Variants in PAPPA observed in about 807,000 individuals in gnomAD.
PAPPA encodes pappalysin 1.
PAPPA carries 60 observed loss-of-function variants against 164.0 expected under a neutral mutation model. The observed-to-expected ratio is 0.37, with a 90% CI of 0.30 to 0.45. The LOEUF (loss-of-function observed/expected upper bound fraction) is 0.45. PAPPA is among the 20% of genes least tolerant of loss of function. The probability of loss-of-function intolerance (pLI) is 1.00; values close to 1 mark genes in which losing one functional copy is unlikely to be tolerated. For missense variants in PAPPA, 1,782 were observed against 2,087.3 expected, an observed-to-expected ratio of 0.85 and a Z score of 2.85; for synonymous variants, 875 against 814.1, an observed-to-expected ratio of 1.07 and a Z score of -1.27.
intron 21 of PAPPA, among the ~76,000 whole-genome samples, chr9:116,388,832 G>T (rs1180589755): frequency 6.6e-6 from 1 of 152,178 alleles, no homozygotes; most frequent in Non-Finnish European, 1.5e-5. Flanking sequence ...ATGCAACTAT[G>T]TGTAGGGCTG....
intron 1 of PAPPA, among the ~76,000 whole-genome samples, chr9:116,168,829 A>G (rs1191573225): frequency 6.6e-6 from 1 of 152,174 alleles, no homozygotes; most frequent in Non-Finnish European, 1.5e-5. Context: ...CATAGCATTT[A>G]TCACACTCTA....
intron 1 of PAPPA, among the ~76,000 whole-genome samples, chr9:116,164,671 A>AT (rs1843701505): frequency 6.6e-6 from 1 of 152,218 alleles, no homozygotes; most frequent in East Asian, 1.9e-4. Context: ...TCCCGTATCC[A>AT]TTCCTGTTGC....
In PAPPA at chr9:116,187,247, A is replaced by G; in HGVS notation, c.509A>G (p.Tyr170Cys). 6.2e-7 allele frequency: 1 copy of G among 1,614,158 alleles called. No individual in the cohort carries two copies. Among genetic ancestry groups the G allele is most frequent in the Non-Finnish European group, 8.5e-7 (1 of 1,180,028 alleles). ...GACCAAGACAACAAAGACCCACGCTACTTTTTCTCCTTGAAGACAGACCGA... is the reference window on the plus strand; with the variant it reads ...GACCAAGACAACAAAGACCCACGCTGCTTTTTCTCCTTGAAGACAGACCGA... ...ISDQDNKDPRYFFSLKTDRAR... is the reference protein window; with the variant it reads ...ISDQDNKDPRCFFSLKTDRAR... The change falls in exon 2 of 22, where the codon TAC becomes TGC. Residue 170 changes from tyrosine (Y) to cysteine (C), a missense_variant. Around this residue, in one of 2 missense-constraint regions of PAPPA, gnomAD observed 458 missense variants for 430.3 expected, o/e 1.06. Coordinates refer to ENST00000328252, the MANE Select transcript of PAPPA (RefSeq NM_002581.5). This position sits in a 1 kb window ranked among gnomAD's most constrained non-coding sequence, Gnocchi z 4.2.
At chr9:116,161,935 G>T (rs1010418913) in intron 1 of PAPPA, among the ~76,000 whole-genome samples, 1 of 152,108 alleles carries the variant, frequency 6.6e-6, no homozygotes, top group African/African-American at 2.4e-5. Context: ...TGACCTGAAA[G>T]GTTTGCAAAT....
At chr9:116,164,814 G>A (rs547835683) in intron 1 of PAPPA, among the ~76,000 whole-genome samples, 7 of 152,288 alleles carry the variant, frequency 4.6e-5, no homozygotes, top group African/African-American at 1.7e-4. Flanking sequence ...TGTGTTAATA[G>A]GCTAATCTTA....
intron 9 of PAPPA, among the ~76,000 whole-genome samples, chr9:116,289,325 G>GCATATATATGCCATATATATGC (rs1554748540): frequency 0.01 from 727 of 70,352 alleles, 76 homozygotes; most frequent in South Asian, 0.033. Flanking sequence ...CATATATATG[G>GCATATATATGCCATATATATGC]CATATATATA....
chr9:116,188,322 G>T (rs555589905), intron 2 of PAPPA, 106 bp downstream of exon 2: 16 of 790,388 alleles, frequency 2.0e-5, no homozygotes, highest in African/African-American at 5.2e-5. Flanking sequence ...GGATTTTCTG[G>T]TTCAACCAGC....
Position 116,362,679 on chromosome 9 carries a change from T to G in PAPPA, c.4435T>G (p.Ser1479Ala), listed in dbSNP as rs199632180. Residue 1479 changes from serine (S) to alanine (A), a missense_variant, in exon 18 of 22, where the codon TCG becomes GCG. By Grantham distance (99) the Ser-to-Ala change is moderately conservative. This residue lies in a region of PAPPA where 1,324 missense variants were observed against 1,656.9 expected (regional missense o/e 0.80). Transcript: ENST00000328252. ...CTGCCAGGAGATGCAAGGCCAGTGC[T>G]CGGTTCCAAACGAGCTCAACAGCAA... Reference protein sequence around the residue: ...HVCQEMQGQCSVPNELNSNLK... With the variant: ...HVCQEMQGQCAVPNELNSNLK... 8.7e-6 allele frequency: 14 copies of G among 1,613,942 alleles called. No individual in the cohort carries two copies. The highest frequency in any genetic ancestry group is 1.2e-5 in the Non-Finnish European group (14 of 1,179,996).
chr9:116,288,445 C>CCCTTCCTT (rs1301742206), intron 9 of PAPPA, among the ~76,000 whole-genome samples: 1 of 104,842 alleles, frequency 9.5e-6, no homozygotes, highest in African/African-American at 3.6e-5. Context: ...CTCCCTCCCT[C>CCCTTCCTT]CCTTCCTTCC....
chr9:116,259,220 A>T (rs1334539728), intron 7 of PAPPA, among the ~76,000 whole-genome samples: 1 of 151,832 alleles, frequency 6.6e-6, no homozygotes, highest in Non-Finnish European at 1.5e-5. Flanking sequence ...ACAAAACCTT[A>T]AAATTATTGA....
intron 13 of PAPPA, among the ~76,000 whole-genome samples, chr9:116,341,222 C>T (rs1489649044): frequency 6.6e-6 from 1 of 151,698 alleles, no homozygotes; most frequent in African/African-American, 2.4e-5. Flanking sequence ...TTTATTTTTA[C>T]TAGAGACAGG....
rs147382742 is a variant in PAPPA at position 116,252,026 on chromosome 9, A to C, written c.2733-13831A>C. ...CACCAAGAAAGTAGAAAATCATTTC[A>C]ATTGGTGGTAAAAGATGATTAAAAC... On this transcript the variant is annotated intron_variant, in intron 7 of 21. Transcript: ENST00000328252. Among the ~76,000 whole-genome samples the C allele has an allele frequency of 3.5e-3, 533 of 152,310 alleles. 1 individual carries two copies. Among genetic ancestry groups the C allele is most frequent in the African/African-American group, 0.012 (508 of 41,570 alleles).
chr9:116,255,615 A>G (rs1844918296), intron 7 of PAPPA, among the ~76,000 whole-genome samples: 1 of 152,000 alleles, frequency 6.6e-6, no homozygotes, highest in Admixed American at 6.5e-5. Context: ...AGTTTGGATA[A>G]GGGAGAGCCA....
In PAPPA at chr9:116,204,249, C is replaced by T. The variant is rs78336113; in HGVS notation, c.1479-3207C>T. Reference sequence around the variant, plus strand: ...AGCAAAGCTTCTACGCAGATTAAGCCACACAGATTAAGCTACAGATTAATA... The same window carrying T: ...AGCAAAGCTTCTACGCAGATTAAGCTACACAGATTAAGCTACAGATTAATA... On this transcript the variant is annotated intron_variant, in intron 2 of 21. Coordinates refer to ENST00000328252, the MANE Select transcript of PAPPA (RefSeq NM_002581.5). Among the ~76,000 whole-genome samples the T allele has an allele frequency of 6.3e-3, 957 of 152,270 alleles. 12 individuals carry two copies. The highest frequency in any genetic ancestry group is 0.022 in the African/African-American group (921 of 41,556).
At chr9:116,393,450 T>A (rs1051669203) in intron 21 of PAPPA, among the ~76,000 whole-genome samples, 16 of 152,132 alleles carry the variant, frequency 1.1e-4, no homozygotes, top group Admixed American at 9.2e-4. Flanking sequence ...CATTCATGGG[T>A]CATTGAATGC....
chr9:116,204,464 G>C (rs186974369), intron 2 of PAPPA, among the ~76,000 whole-genome samples: 1 of 152,136 alleles, frequency 6.6e-6, no homozygotes, highest in Non-Finnish European at 1.5e-5. Context: ...GCCCAAGTGG[G>C]AGTACAGTGG....
intron 21 of PAPPA, among the ~76,000 whole-genome samples, chr9:116,396,194 A>G (rs893790267): frequency 6.6e-6 from 1 of 152,190 alleles, no homozygotes; most frequent in Non-Finnish European, 1.5e-5. Flanking sequence ...CCCCATCAAT[A>G]AAAGGGTGAT....
intron 10 of PAPPA, among the ~76,000 whole-genome samples, chr9:116,305,471 TCACACA>T (rs56326167): frequency 7.0e-6 from 1 of 142,122 alleles, no homozygotes; most frequent in South Asian, 2.3e-4. Context: ...TCTCTCTCTC[TCACACA>T]CACACACACA....
chr9:116,244,227 G>A (rs2118764889), intron 7 of PAPPA, among the ~76,000 whole-genome samples: 1 of 152,248 alleles, frequency 6.6e-6, no homozygotes, highest in African/African-American at 2.4e-5. Flanking sequence ...AAGGGCTCCT[G>A]TTTGGTGCTA....
Sources: gnomAD v4.1 joint callset for allele counts (sites outside exome capture counted in the v4.1 genomes callset) on GRCh38, gnomAD v4.1.1 for gene constraint, gnomAD v4.1.1 regional missense constraint, Gnocchi (gnomAD v3.1) non-coding constraint, MANE v1.5 for transcripts, NCBI Gene and HGNC (gene_info 2026-07-23, HGNC 2026-07-21) for gene names.